SMAD9: variants seen among roughly 807,000 people sequenced by gnomAD.
SMAD9 encodes the protein SMAD family member 9.
Under a neutral mutation model 46.1 loss-of-function variants are expected in SMAD9, and 36 were observed. The observed-to-expected ratio is 0.78, with a 90% confidence interval of 0.60 to 1.03. The LOEUF is 1.03. Ranked by LOEUF, SMAD9 falls within the 50% of genes least tolerant of loss-of-function variation. The pLI is 0.00. For missense variants in SMAD9, 572 were observed against 599.8 expected (o/e 0.95, Z 0.48); for synonymous variants, 245 against 237.1 (o/e 1.03, Z -0.31).
intron 5 of SMAD9, among the ~76,000 whole-genome samples, chr13:36,863,033 T>C (rs111314596): frequency 3.3e-5 from 5 of 152,308 alleles, no homozygotes; most frequent in East Asian, 1.9e-4. Flanking sequence ...GTGAGATGAA[T>C]GCATATTACT....
In SMAD9 at chr13:36,847,395, G is replaced by C. The variant is rs536781171; in HGVS notation, c.*1281C>G. On this transcript the variant is annotated 3_prime_UTR_variant, in exon 7 of 7. Transcript: ENST00000379826. ...GCAAGTATATATATGAAAGTACCTAGAAATTTGGGGGATTTTCCTCCCTCA... is the reference window on the plus strand; with the variant it reads ...GCAAGTATATATATGAAAGTACCTACAAATTTGGGGGATTTTCCTCCCTCA... The C allele has an allele frequency of 6.6e-6, 1 of 152,316 alleles. No individual in the cohort carries two copies. The highest frequency in any genetic ancestry group is 2.1e-4 in the South Asian group (1 of 4,828). 9.4% of individuals were successfully genotyped at this position (152,316 alleles called of 1,614,324 possible).
At chr13:36,909,142 TAAAG>T (rs1044199244) in intron 1 of SMAD9, among the ~76,000 whole-genome samples, 7 of 152,216 alleles carry the variant, frequency 4.6e-5, no homozygotes, top group Admixed American at 2.0e-4. Flanking sequence ...TTTTTTAAAT[TAAAG>T]AAACTAGATA....
Position 36,872,706 on chromosome 13 carries a change from G to C in SMAD9, c.622C>G (p.His208Asp), listed in dbSNP as rs552330205. The change falls in exon 3 of 7, where the codon CAC (histidine) becomes GAC (aspartate). Residue 208 changes from histidine to aspartate, a missense_variant. His to Asp is a moderately conservative substitution (Grantham distance 81). Coordinates refer to ENST00000379826, the MANE Select transcript of SMAD9 (RefSeq NM_001127217.3). ...GGCTCAGAAGGACTTCCTGGGGAGT[G>C]AGGGTAGCTGGCCGTGCACGGGGAC... ...SQSPCTASYPHSPGSPSEPES... is the reference protein window; with the variant it reads ...SQSPCTASYPDSPGSPSEPES... The C allele has an allele frequency of 4.0e-5, 64 of 1,614,030 alleles. No individual in the cohort carries two copies. In the Admixed American group the frequency reaches 7.7e-4, roughly 19 times the overall value.
chr13:36,847,310 T>C lies in SMAD9; in HGVS notation c.*1366A>G, dbSNP rs1036097210. On this transcript the variant is annotated 3_prime_UTR_variant, in exon 7 of 7. Coordinates refer to ENST00000379826, the MANE Select transcript of SMAD9 (RefSeq NM_001127217.3). ...TTACAAGCATAACTGCCATCTTAAA[T>C]TGTACATTTTTAAAGAGGGTGTGAA... 8 of 152,236 alleles carry C rather than the reference T, an allele frequency of 5.3e-5. No individual in the cohort carries two copies. The highest frequency in any genetic ancestry group is 9.6e-5 in the African/African-American group (4 of 41,458). 9.4% of individuals were successfully genotyped at this position (152,236 alleles called of 1,614,324 possible).
chr13:36,851,005 A>T (rs1393082590), intron 6 of SMAD9, among the ~76,000 whole-genome samples: 2 of 152,110 alleles, frequency 1.3e-5, no homozygotes, highest in African/African-American at 2.4e-5. Context: ...CTCTCACCTG[A>T]CTATTACTAT....
chr13:36,850,533 C>T (rs2058066077), intron 6 of SMAD9, among the ~76,000 whole-genome samples: 1 of 152,142 alleles, frequency 6.6e-6, no homozygotes, highest in Non-Finnish European at 1.5e-5. Context: ...CACGCGCCAC[C>T]ACGCCTGGCT....
intron 1 of SMAD9, among the ~76,000 whole-genome samples, chr13:36,918,281 T>G (rs2058714033): frequency 6.6e-6 from 1 of 152,226 alleles, no homozygotes. Context: ...CGTCTTTGAT[T>G]TTTAGTAAAC....
intron 1 of SMAD9, among the ~76,000 whole-genome samples, chr13:36,887,266 AG>A (rs2058454902): frequency 8.4e-6 from 1 of 119,510 alleles, no homozygotes; most frequent in African/African-American, 3.3e-5. Flanking sequence ...TCTGTCTCCC[AG>A]GCTGGAGTGC....
intron 1 of SMAD9, among the ~76,000 whole-genome samples, chr13:36,907,396 C>T (rs1435016820): frequency 4.6e-5 from 7 of 152,082 alleles, no homozygotes; most frequent in South Asian, 2.1e-4. Flanking sequence ...AGGCCATGTG[C>T]GGTGGTTCAT....
chr13:36,860,166 C>A (rs2058166741), intron 5 of SMAD9, among the ~76,000 whole-genome samples: 1 of 152,082 alleles, frequency 6.6e-6, no homozygotes, highest in Non-Finnish European at 1.5e-5. Context: ...GTCAGGACCG[C>A]TTTCCGGTAA....
chr13:36,862,644 T>C (rs564506410), intron 5 of SMAD9, among the ~76,000 whole-genome samples: 2 of 152,380 alleles, frequency 1.3e-5, no homozygotes, highest in South Asian at 4.1e-4. Context: ...CCCATGCTGC[T>C]GCTCTGCCTG....
chr13:36,911,066 C>T (rs950391621), intron 1 of SMAD9, among the ~76,000 whole-genome samples: 10 of 152,062 alleles, frequency 6.6e-5, no homozygotes, highest in South Asian at 2.1e-4. Context: ...AGTGCAGTGG[C>T]GTGATCATGG....
At chr13:36,873,720 G>A (rs531508737) in intron 2 of SMAD9, among the ~76,000 whole-genome samples, 6 of 152,132 alleles carry the variant, frequency 3.9e-5, no homozygotes, top group South Asian at 2.1e-4. Flanking sequence ...ACAATTAGCC[G>A]GGTGTGGTGG....
chr13:36,879,945 A>AC, intron 1 of SMAD9, 70 bp from the exon 2 acceptor site: 1 of 528,206 alleles, frequency 1.9e-6, no homozygotes, highest in Non-Finnish European at 3.4e-6. Flanking sequence ...AGTTGGATAG[A>AC]AAGAGGCAAT....
chr13:36,903,292 A>G (rs1012532452), intron 1 of SMAD9, among the ~76,000 whole-genome samples: 15 of 151,650 alleles, frequency 9.9e-5, no homozygotes, highest in Admixed American at 9.2e-4. Context: ...ACACCAGGCA[A>G]ATTTTTGTAT....
At chr13:36,913,780 AAACAAAGAATG>A (rs1235369356) in intron 1 of SMAD9, among the ~76,000 whole-genome samples, 2 of 152,266 alleles carry the variant, frequency 1.3e-5, no homozygotes, top group Non-Finnish European at 2.9e-5. Flanking sequence ...TTCCACTAGA[AAACAAAGAATG>A]ACTAAATGCA....
At chr13:36,862,283 G>T (rs1419316306) in intron 5 of SMAD9, among the ~76,000 whole-genome samples, 1 of 152,146 alleles carries the variant, frequency 6.6e-6, no homozygotes, top group Non-Finnish European at 1.5e-5. Context: ...GACATAGGAG[G>T]TTGGCACGAG....
intron 1 of SMAD9, among the ~76,000 whole-genome samples, chr13:36,898,110 G>A (rs916891061): frequency 7.3e-5 from 11 of 151,624 alleles, no homozygotes; most frequent in African/African-American, 1.7e-4. Context: ...CGCCCGCCTC[G>A]GCCTCCCAAA....
At chr13:36,906,909 T>C (rs576323843) in intron 1 of SMAD9, among the ~76,000 whole-genome samples, 2 of 152,258 alleles carry the variant, frequency 1.3e-5, no homozygotes, top group South Asian at 4.1e-4. Flanking sequence ...CACTCCTAAT[T>C]ATACACCAAA....
Sources: allele counts gnomAD v4.1 joint callset (sites outside exome capture counted in the v4.1 genomes callset), GRCh38; gene constraint gnomAD v4.1.1; transcripts MANE v1.5; gene names NCBI Gene and HGNC (gene_info 2026-07-23, HGNC 2026-07-21).